Variants in PTPN9 observed in about 807,000 individuals in gnomAD.
The protein encoded by PTPN9 is protein tyrosine phosphatase non-receptor type 9.
A neutral mutation model predicts 69.8 loss-of-function variants in PTPN9; 26 were observed. The observed-to-expected ratio is 0.37, with a 90% CI of 0.27 to 0.52. The LOEUF is 0.52. Ranked by LOEUF, PTPN9 falls within the 20% of genes least tolerant of loss-of-function variation. PTPN9 has a pLI of 0.91. For missense variants in PTPN9, 549 were observed against 740.3 expected, an observed-to-expected ratio of 0.74 and a Z score of 3.00; for synonymous variants, 274 against 272.5, an observed-to-expected ratio of 1.01 and a Z score of -0.05.
At chr15:75,525,724 C>T (rs938855029) in intron 2 of PTPN9, among the ~76,000 whole-genome samples, 2 of 151,244 alleles carry the variant, frequency 1.3e-5, no homozygotes, top group African/African-American at 2.4e-5. Flanking sequence ...TCGAGACCAG[C>T]CTGGGCAACA....
At chr15:75,530,838 A>G (rs1293792793) in intron 1 of PTPN9, among the ~76,000 whole-genome samples, 1 of 100,484 alleles carries the variant, frequency 1.0e-5, no homozygotes, top group Non-Finnish European at 1.8e-5. Flanking sequence ...TATATATTAT[A>G]ATATATTATA....
intron 1 of PTPN9, among the ~76,000 whole-genome samples, chr15:75,531,185 C>T (rs956894785): frequency 6.6e-6 from 1 of 151,708 alleles, no homozygotes; most frequent in African/African-American, 2.4e-5. Context: ...AAAGTCTAAA[C>T]GGCCTGAGGC....
chr15:75,506,864 A>C (rs1309387188), intron 6 of PTPN9, among the ~76,000 whole-genome samples: 1 of 151,762 alleles, frequency 6.6e-6, no homozygotes, highest in African/African-American at 2.4e-5. Flanking sequence ...CTCTTCATGG[A>C]CCAGCACAGC....
intron 1 of PTPN9, among the ~76,000 whole-genome samples, chr15:75,577,934 G>A (rs572550990): frequency 6.6e-6 from 1 of 152,298 alleles, no homozygotes; most frequent in South Asian, 2.1e-4. Context: ...TGTCTCCGCA[G>A]CTGGAATGTG....
chr15:75,523,422 T>C (rs2074913759), intron 3 of PTPN9, among the ~76,000 whole-genome samples, 177 bp from the exon 4 acceptor site: 1 of 152,164 alleles, frequency 6.6e-6, no homozygotes, highest in Non-Finnish European at 1.5e-5. Flanking sequence ...CTTTGTCTGA[T>C]TCTCCCAGGA....
chr15:75,564,328 C>T (rs910180723), intron 1 of PTPN9, among the ~76,000 whole-genome samples: 10 of 152,144 alleles, frequency 6.6e-5, no homozygotes, highest in Non-Finnish European at 1.3e-4. Context: ...GGTGCGGTGG[C>T]TCACGCCTGT....
intron 1 of PTPN9, among the ~76,000 whole-genome samples, chr15:75,547,680 T>G (rs1306759377): frequency 6.6e-6 from 1 of 151,896 alleles, no homozygotes; most frequent in African/African-American, 2.4e-5. Context: ...TTTTTTTTTT[T>G]TTTGAGACGA....
intron 1 of PTPN9, among the ~76,000 whole-genome samples, chr15:75,553,372 T>A (rs1042357192): frequency 2.0e-5 from 3 of 151,898 alleles, no homozygotes; most frequent in African/African-American, 7.3e-5. Flanking sequence ...AAACAAGGAG[T>A]CCTATCAGAC....
intron 1 of PTPN9, among the ~76,000 whole-genome samples, chr15:75,531,543 C>A (rs1031244730): frequency 2.2e-4 from 33 of 151,884 alleles, no homozygotes; most frequent in African/African-American, 8.0e-4. Flanking sequence ...AGTAAATTCC[C>A]CAGGAGACAT....
At chr15:75,486,391 A>C (rs1415273007) in intron 8 of PTPN9, among the ~76,000 whole-genome samples, 1 of 152,008 alleles carries the variant, frequency 6.6e-6, no homozygotes, top group Admixed American at 6.5e-5. Context: ...GTGCTCCCTC[A>C]CCCCTTCCCC....
chr15:75,542,249 T>C (rs760598279), intron 1 of PTPN9, among the ~76,000 whole-genome samples: 1 of 152,136 alleles, frequency 6.6e-6, no homozygotes, highest in Non-Finnish European at 1.5e-5. Context: ...TGTTGCAAGA[T>C]AGAAAGTCTT....
intron 1 of PTPN9, among the ~76,000 whole-genome samples, chr15:75,551,833 T>A (rs1400538481): frequency 6.6e-6 from 1 of 151,406 alleles, no homozygotes; most frequent in African/African-American, 2.4e-5. Context: ...GGTCAGGAGT[T>A]TTGAGACCAG....
At chr15:75,562,905 A>G (rs1389280734) in intron 1 of PTPN9, among the ~76,000 whole-genome samples, 15 of 151,648 alleles carry the variant, frequency 9.9e-5, no homozygotes, top group Non-Finnish European at 1.5e-4. Flanking sequence ...TCTTTAGCAA[A>G]CATATTTTAG....
At chr15:75,559,539 A>G (rs1243869254) in intron 1 of PTPN9, among the ~76,000 whole-genome samples, 1 of 152,174 alleles carries the variant, frequency 6.6e-6, no homozygotes, top group Non-Finnish European at 1.5e-5. Flanking sequence ...GGGCGGTGCA[A>G]GATGTGCTTT....
intron 4 of PTPN9, among the ~76,000 whole-genome samples, chr15:75,520,579 G>C (rs182351096): frequency 6.6e-6 from 1 of 151,206 alleles, no homozygotes; most frequent in East Asian, 2.0e-4. Context: ...GTGCAATAGT[G>C]CGATCTCTGC....
intron 1 of PTPN9, among the ~76,000 whole-genome samples, chr15:75,536,107 A>G (rs563189794): frequency 1.3e-5 from 2 of 152,360 alleles, no homozygotes; most frequent in South Asian, 2.1e-4. Flanking sequence ...AAACAATGTA[A>G]TAACAAAAAT....
intron 7 of PTPN9, among the ~76,000 whole-genome samples, chr15:75,490,632 C>CT (rs536756283): frequency 0.084 from 12,536 of 149,410 alleles, 653 homozygotes; most frequent in South Asian, 0.2. Context: ...GAGCTTATCT[C>CT]TTTTTTTTTT....
At position 75,558,055 on chromosome 15, in the gene PTPN9, C is replaced by T. The variant is rs550391001; in HGVS notation, c.63+20659G>A. ...ACTAAAAATACAAAAATTGACCAGG[C>T]GCAGTCGCTCACACCTGTAATCCCA... On this transcript the variant is annotated intron_variant, in intron 1 of 12. Coordinates refer to ENST00000618819, the MANE Select transcript of PTPN9 (RefSeq NM_002833.4). Among the ~76,000 whole-genome samples the T allele has an allele frequency of 1.1e-4, 17 of 152,260 alleles. No homozygotes were observed. In the South Asian group the frequency reaches 2.3e-3, roughly 20 times the overall value.
chr15:75,564,611 AT>A (rs1319844912), intron 1 of PTPN9, among the ~76,000 whole-genome samples: 58 of 151,414 alleles, frequency 3.8e-4, no homozygotes, highest in African/African-American at 1.1e-3. Flanking sequence ...AAAAAAAAAA[AT>A]ATGACACCAC....
Sources: allele counts gnomAD v4.1 joint callset (sites outside exome capture counted in the v4.1 genomes callset), GRCh38; gene constraint gnomAD v4.1.1; transcripts MANE v1.5; gene names NCBI Gene and HGNC (gene_info 2026-07-23, HGNC 2026-07-21).